The following R3HCC1L variants were observed in gnomAD, a reference collection of about 807,000 sequenced individuals.
R3HCC1L encodes coiled-coil domain-containing protein R3HCC1L.
In R3HCC1L, 51 loss-of-function variants were observed where a neutral mutation model predicts 59.9. That is an observed-to-expected ratio of 0.85 (90% confidence interval 0.68 to 1.07). The LOEUF (loss-of-function observed/expected upper bound fraction) is 1.07. R3HCC1L is among the 50% of genes least tolerant of loss of function. The probability of loss-of-function intolerance (pLI) is 0.00; values close to 1 mark genes in which losing one functional copy is unlikely to be tolerated. For missense variants in R3HCC1L, 965 were observed against 933.0 expected (o/e 1.03, Z -0.45); for synonymous variants, 322 against 315.2 (o/e 1.02, Z -0.23).
At chr10:98,199,633 A>G (rs1443061838) in intron 4 of R3HCC1L, among the ~76,000 whole-genome samples, 1 of 151,958 alleles carries the variant, frequency 6.6e-6, no homozygotes, top group East Asian at 1.9e-4. Context: ...AGGAATATAC[A>G]CTTAAGAGAA....
At chr10:98,212,404 G>GGTAT (rs1298217142) in intron 5 of R3HCC1L, among the ~76,000 whole-genome samples, 1 of 152,146 alleles carries the variant, frequency 6.6e-6, no homozygotes, top group East Asian at 1.9e-4. Context: ...CTAATAGTCA[G>GGTAT]GTATGCTGTA....
chr10:98,224,801 A>G (rs558385229), intron 5 of R3HCC1L, among the ~76,000 whole-genome samples: 1 of 152,340 alleles, frequency 6.6e-6, no homozygotes, highest in African/African-American at 2.4e-5. Context: ...TCTTAGCCCT[A>G]ATAAAAAATA....
At chr10:98,137,562 T>G (rs763619495) in intron 1 of R3HCC1L, among the ~76,000 whole-genome samples, 1 of 152,230 alleles carries the variant, frequency 6.6e-6, no homozygotes, top group Non-Finnish European at 1.5e-5. Context: ...AAAAATACTG[T>G]AAATAGAAGT....
chr10:98,146,804 T>C (rs540432067), intron 1 of R3HCC1L, among the ~76,000 whole-genome samples: 11 of 152,358 alleles, frequency 7.2e-5, no homozygotes, highest in Middle Eastern at 3.4e-3. Context: ...CATGTATCTA[T>C]TGATGGACAC....
At chr10:98,139,456 A>C (rs546829595) in intron 1 of R3HCC1L, among the ~76,000 whole-genome samples, 12 of 152,360 alleles carry the variant, frequency 7.9e-5, no homozygotes, top group Non-Finnish European at 1.6e-4. Context: ...AGTGAGAAGA[A>C]ATGGAGCTAG....
chr10:98,218,229 C>T (rs1333657228), intron 5 of R3HCC1L, among the ~76,000 whole-genome samples: 2 of 151,930 alleles, frequency 1.3e-5, no homozygotes, highest in Admixed American at 6.6e-5. Context: ...GGATGTTGAA[C>T]TTCATCAAGT....
intron 6 of R3HCC1L, among the ~76,000 whole-genome samples, chr10:98,233,637 T>G (rs1422500469): frequency 6.6e-6 from 1 of 152,192 alleles, no homozygotes; most frequent in African/African-American, 2.4e-5. Context: ...CCATGAGCAT[T>G]TTTAAGCTCT....
At chr10:98,172,874 T>C (rs953969803) in intron 4 of R3HCC1L, among the ~76,000 whole-genome samples, 4 of 152,182 alleles carry the variant, frequency 2.6e-5, no homozygotes, top group Admixed American at 2.0e-4. Flanking sequence ...AGAAATAGTC[T>C]TTCAGCTCCA....
intron 4 of R3HCC1L, among the ~76,000 whole-genome samples, chr10:98,188,090 C>T (rs1850426328): frequency 1.3e-5 from 2 of 152,100 alleles, no homozygotes; most frequent in African/African-American, 4.8e-5. Flanking sequence ...CTTTTACACA[C>T]ACACACACAC....
At chr10:98,152,049 C>G (rs1166012686) in intron 1 of R3HCC1L, among the ~76,000 whole-genome samples, 1 of 152,236 alleles carries the variant, frequency 6.6e-6, no homozygotes. Context: ...CTGCAACCTC[C>G]CTGCCTGATT....
intron 2 of R3HCC1L, among the ~76,000 whole-genome samples, chr10:98,157,432 T>C (rs1039095796): frequency 2.6e-5 from 4 of 152,220 alleles, no homozygotes; most frequent in African/African-American, 9.6e-5. Flanking sequence ...TATTCTGCAT[T>C]TTAGAGATAA....
chr10:98,177,857 TG>T (rs1849199138), intron 4 of R3HCC1L, among the ~76,000 whole-genome samples: 2 of 152,244 alleles, frequency 1.3e-5, no homozygotes, highest in African/African-American at 4.8e-5. Flanking sequence ...TCATATAATT[TG>T]CCCACTTTTT....
intron 1 of R3HCC1L, among the ~76,000 whole-genome samples, chr10:98,144,683 T>C (rs751472134): frequency 2.0e-5 from 3 of 152,342 alleles, no homozygotes; most frequent in East Asian, 1.9e-4. Flanking sequence ...AACAATCTTA[T>C]GAAAGTTAAC....
intron 2 of R3HCC1L, among the ~76,000 whole-genome samples, chr10:98,160,402 A>G (rs1847294844): frequency 6.6e-6 from 1 of 152,226 alleles, no homozygotes; most frequent in South Asian, 2.1e-4. Context: ...GTTTATGTTG[A>G]TTATGTGTTG....
intron 7 of R3HCC1L, 129 bp downstream of exon 7, chr10:98,234,645 GT>G: frequency 3.0e-5 from 27 of 896,188 alleles, no homozygotes; most frequent in South Asian, 6.3e-5. Flanking sequence ...GCAGTTAGTG[GT>G]TTTTTTGAGG....
intron 4 of R3HCC1L, among the ~76,000 whole-genome samples, chr10:98,201,308 G>A (rs1852020996): frequency 6.6e-6 from 1 of 152,168 alleles, no homozygotes; most frequent in Admixed American, 6.5e-5. Flanking sequence ...GGTAGTGAAT[G>A]CTTTATATAA....
At chr10:98,135,919 C>T (rs1243215659) in intron 1 of R3HCC1L, among the ~76,000 whole-genome samples, 2 of 152,146 alleles carry the variant, frequency 1.3e-5, no homozygotes, top group Non-Finnish European at 2.9e-5. Flanking sequence ...AGCCAAATAT[C>T]CCATCTGTTT....
chr10:98,208,648 A>T lies in R3HCC1L; in HGVS notation c.534A>T (p.Lys178Asn), dbSNP rs147319818. 4.7e-5 allele frequency: 76 copies of T among 1,614,138 alleles called. No homozygotes were observed. In the African/African-American group the frequency reaches 9.6e-4, roughly 20 times the overall value. ...LEISEAQVPS[K>N]PFQNVEFCDF... ...TCAGCGAGGCTCAAGTTCCAAGCAA[A>T]CCATTCCAAAATGTGGAATTCTGTG... is the stretch of plus-strand genomic sequence containing the variant. Residue 178 changes from lysine (K) to asparagine (N), a missense_variant, in exon 5 of 10, where the codon AAA (lysine) becomes AAT (asparagine). Physicochemically the swap from Lys to Asn is moderately conservative, Grantham distance 94. Coordinates refer to ENST00000298999, the MANE Select transcript of R3HCC1L (RefSeq NM_001351015.2).
At chr10:98,236,271 T>G in intron 9 of R3HCC1L, 107 bp downstream of exon 9, 2 of 1,405,122 alleles carry the variant, frequency 1.4e-6, no homozygotes, top group Non-Finnish European at 9.6e-7. Flanking sequence ...CGTTTCTGTT[T>G]CCTAGAAGCC....
Sources: gnomAD v4.1 joint callset for allele counts (sites outside exome capture counted in the v4.1 genomes callset) on GRCh38, gnomAD v4.1.1 for gene constraint, MANE v1.5 for transcripts, NCBI Gene and HGNC (gene_info 2026-07-23, HGNC 2026-07-21) for gene names.